EEIG2: variants seen among roughly 807,000 people sequenced by gnomAD.
EEIG2 encodes the protein family with sequence similarity 102 member B.
chr1:108,589,758 T>TATTTAC, the EEIG2 span, among the ~76,000 whole-genome samples: 9 of 151,224 alleles, frequency 6.0e-5, no homozygotes, highest in Non-Finnish European at 1.3e-4. Flanking sequence ...CTTCAGTGAC[T>TATTTAC]ATTTACATGC....
At chr1:108,566,281 T>C in the EEIG2 span, among the ~76,000 whole-genome samples, 1 of 152,186 alleles carries the variant, frequency 6.6e-6, no homozygotes, top group South Asian at 2.1e-4. Flanking sequence ...CCAAGCTTGG[T>C]ATACATCCAT....
chr1:108,564,716 G>A, the EEIG2 span, among the ~76,000 whole-genome samples: 1 of 152,174 alleles, frequency 6.6e-6, no homozygotes, highest in Non-Finnish European at 1.5e-5. Flanking sequence ...GCCGAGACAC[G>A]CGGATTGGTT....
At chr1:108,626,253 G>A in the EEIG2 span, 1 of 152,172 alleles carries the variant, frequency 6.6e-6, no homozygotes, top group Non-Finnish European at 1.5e-5. Context: ...GTGATCAAAT[G>A]CTTTGGGGAA....
At chr1:108,597,002 C>T in the EEIG2 span, among the ~76,000 whole-genome samples, 1 of 152,332 alleles carries the variant, frequency 6.6e-6, no homozygotes, top group Middle Eastern at 3.4e-3. Flanking sequence ...GCTGGGAATA[C>T]AGGCATGAGC....
the EEIG2 span, among the ~76,000 whole-genome samples, chr1:108,622,381 CA>C: frequency 2.6e-5 from 4 of 151,910 alleles, no homozygotes; most frequent in South Asian, 2.1e-4. Context: ...TGCAGTCAGC[CA>C]GGAGAAAGGT....
chr1:108,594,078 G>A, the EEIG2 span, among the ~76,000 whole-genome samples: 3 of 152,110 alleles, frequency 2.0e-5, no homozygotes, highest in African/African-American at 7.2e-5. Context: ...AAAGTGCTGG[G>A]ATTACAAGCA....
the EEIG2 span, chr1:108,628,060 G>A: frequency 3.3e-6 from 3 of 900,116 alleles, no homozygotes; most frequent in South Asian, 1.6e-5. Context: ...GTAACTTATT[G>A]TTTTGATAAT....
the EEIG2 span, among the ~76,000 whole-genome samples, chr1:108,609,613 A>G: frequency 2.7e-4 from 41 of 152,326 alleles, no homozygotes; most frequent in African/African-American, 9.9e-4. Context: ...TGATCTTGGC[A>G]TTTTCAAGAA....
the EEIG2 span, among the ~76,000 whole-genome samples, chr1:108,596,176 G>GTT: frequency 5.0e-5 from 7 of 138,972 alleles, no homozygotes; most frequent in African/African-American, 1.3e-4. Flanking sequence ...TTCTTAGTGG[G>GTT]TTTTTTTTTT....
At chr1:108,597,318 G>C in the EEIG2 span, among the ~76,000 whole-genome samples, 1 of 152,168 alleles carries the variant, frequency 6.6e-6, no homozygotes, top group South Asian at 2.1e-4. Context: ...GAGAAGCCAG[G>C]TTAGGGGAAG....
At chr1:108,564,546 C>T in the EEIG2 span, among the ~76,000 whole-genome samples, 1 of 152,084 alleles carries the variant, frequency 6.6e-6, no homozygotes, top group African/African-American at 2.4e-5. Context: ...GGCATTTATG[C>T]GGTATGTGGA....
At chr1:108,560,290 C>A in the EEIG2 span, 980 of 515,426 alleles carry the variant, frequency 1.9e-3, 10 homozygotes, top group African/African-American at 0.019. Context: ...CGGCCGCGGC[C>A]GGCCTGCGGC....
the EEIG2 span, among the ~76,000 whole-genome samples, chr1:108,560,956 T>TA: frequency 6.6e-6 from 1 of 152,242 alleles, no homozygotes; most frequent in Non-Finnish European, 1.5e-5. Flanking sequence ...AACCTGTGCT[T>TA]AGCACAATTC....
chr1:108,560,526 G>A, the EEIG2 span: 1 of 1,612,318 alleles, frequency 6.2e-7, no homozygotes, highest in Non-Finnish European at 8.5e-7. Context: ...TGCAAGATGC[G>A]GCTGCTGGAC....
chr1:108,583,784 G>GA, the EEIG2 span, among the ~76,000 whole-genome samples: 3 of 152,150 alleles, frequency 2.0e-5, no homozygotes, highest in Admixed American at 2.0e-4. Flanking sequence ...ACCGGGACAA[G>GA]ATAATAAAGC....
the EEIG2 span, among the ~76,000 whole-genome samples, chr1:108,600,315 G>C: frequency 8.5e-5 from 13 of 152,262 alleles, no homozygotes; most frequent in South Asian, 2.5e-3. Flanking sequence ...GAATGGTGTA[G>C]CCTAATGTAT....
At chr1:108,632,945 C>CTT in the EEIG2 span, among the ~76,000 whole-genome samples, 13 of 48,180 alleles carry the variant, frequency 2.7e-4, no homozygotes, top group Admixed American at 3.7e-3. Context: ...CCATGCCCAG[C>CTT]ATTTTTTTTT....
the EEIG2 span, among the ~76,000 whole-genome samples, chr1:108,633,243 G>C: frequency 1.3e-5 from 2 of 152,058 alleles, no homozygotes; most frequent in African/African-American, 4.8e-5. Flanking sequence ...ATAAGATCCT[G>C]AACTCATAGG....
At chr1:108,636,753 C>G in the EEIG2 span, 1 of 151,348 alleles carries the variant, frequency 6.6e-6, no homozygotes, top group African/African-American at 2.4e-5. Flanking sequence ...AACATTTTAG[C>G]CTAACCAAGG....
Sources: allele counts gnomAD v4.1 joint callset (sites outside exome capture counted in the v4.1 genomes callset), GRCh38; gene constraint gnomAD v4.1.1; transcripts MANE v1.5; gene names NCBI Gene and HGNC (gene_info 2026-07-23, HGNC 2026-07-21).